Variants in SPOCK1 observed in about 807,000 individuals in gnomAD.
SPOCK1 encodes the protein testican-1.
SPOCK1 carries 23 observed loss-of-function variants against 55.3 expected under a neutral mutation model. The ratio of observed to expected loss-of-function variants is 0.42; its 90% CI spans 0.30 to 0.59. The LOEUF (loss-of-function observed/expected upper bound fraction) is 0.59, where lower values mean the gene tolerates loss of function less well. SPOCK1 is among the 20% of genes least tolerant of loss of function. The pLI is 0.22. For synonymous variants in SPOCK1, 226 were observed against 221.0 expected (o/e 1.02, Z -0.20); for missense variants, 499 against 552.5 (o/e 0.90, Z 0.97).
At chr5:137,304,076 T>G (rs75231213) in intron 2 of SPOCK1, among the ~76,000 whole-genome samples, 12 of 88,926 alleles carry the variant, frequency 1.3e-4, no homozygotes, top group African/African-American at 3.9e-4. Context: ...TTTTTTTTTT[T>G]TTTTTTGGTT....
At chr5:137,092,818 C>T (rs1334456749) in intron 5 of SPOCK1, among the ~76,000 whole-genome samples, 1 of 152,190 alleles carries the variant, frequency 6.6e-6, no homozygotes, top group Non-Finnish European at 1.5e-5. Context: ...GTTGCTGAAA[C>T]TGGGTAATTT....
At chr5:137,014,565 C>T (rs1430601914) in intron 6 of SPOCK1, among the ~76,000 whole-genome samples, 1 of 152,150 alleles carries the variant, frequency 6.6e-6, no homozygotes, top group Non-Finnish European at 1.5e-5. Context: ...GCTAGTTAAG[C>T]CTGCTATGCC....
intron 3 of SPOCK1, among the ~76,000 whole-genome samples, chr5:137,164,696 G>A (rs1457281458): frequency 6.6e-6 from 1 of 152,150 alleles, no homozygotes; most frequent in African/African-American, 2.4e-5. Flanking sequence ...TGCCCTGAAG[G>A]ATGAGTCCCA....
At chr5:137,140,383 G>A (rs1754071176) in intron 4 of SPOCK1, among the ~76,000 whole-genome samples, 197 bp downstream of exon 4, 1 of 152,210 alleles carries the variant, frequency 6.6e-6, no homozygotes. Flanking sequence ...AAATAAAGAT[G>A]GACATTCTTT....
chr5:137,015,542 C>T (rs1474156859), intron 6 of SPOCK1, among the ~76,000 whole-genome samples: 1 of 152,180 alleles, frequency 6.6e-6, no homozygotes, highest in African/African-American at 2.4e-5. Context: ...CCACAAGGTT[C>T]TCCTTCCCCA....
intron 2 of SPOCK1, among the ~76,000 whole-genome samples, chr5:137,337,305 C>T (rs1750302343): frequency 6.6e-6 from 1 of 152,148 alleles, no homozygotes; most frequent in Non-Finnish European, 1.5e-5. Flanking sequence ...GCGTATCAGG[C>T]TAAAGAAGTA....
At chr5:137,208,065 C>G (rs1755549208) in intron 3 of SPOCK1, among the ~76,000 whole-genome samples, 1 of 152,204 alleles carries the variant, frequency 6.6e-6, no homozygotes, top group Non-Finnish European at 1.5e-5. Context: ...GCCAGCCTCA[C>G]TATGAGCACT....
At chr5:137,486,350 C>T (rs983109455) in intron 2 of SPOCK1, among the ~76,000 whole-genome samples, 30 of 152,176 alleles carry the variant, frequency 2.0e-4, no homozygotes, top group Admixed American at 3.9e-4. Flanking sequence ...CCTCTGGAAG[C>T]CCAGCTCGCC....
intron 6 of SPOCK1, among the ~76,000 whole-genome samples, chr5:137,035,663 C>G (rs1269072371): frequency 6.6e-6 from 1 of 152,052 alleles, no homozygotes; most frequent in African/African-American, 2.4e-5. Flanking sequence ...GTGCTCATGC[C>G]CTCCCCCTTG....
chr5:137,225,612 C>A (rs114752940), intron 3 of SPOCK1, among the ~76,000 whole-genome samples: 1 of 152,306 alleles, frequency 6.6e-6, no homozygotes, highest in South Asian at 2.1e-4. Flanking sequence ...CCACACGATG[C>A]CTCGACATAC....
At chr5:137,008,141 G>T (rs188847703) in intron 6 of SPOCK1, among the ~76,000 whole-genome samples, 1 of 151,700 alleles carries the variant, frequency 6.6e-6, no homozygotes, top group Admixed American at 6.6e-5. Context: ...GCCTGTCGGG[G>T]GGTGGGGGGC....
intron 5 of SPOCK1, among the ~76,000 whole-genome samples, chr5:137,089,083 A>C (rs1480899818): frequency 6.6e-6 from 1 of 152,070 alleles, no homozygotes; most frequent in Non-Finnish European, 1.5e-5. Flanking sequence ...GAGGGACTAG[A>C]ACGGGGAGCT....
intron 2 of SPOCK1, among the ~76,000 whole-genome samples, chr5:137,440,278 C>A (rs1184943870): frequency 1.3e-5 from 1 of 79,826 alleles, no homozygotes; most frequent in African/African-American, 4.2e-5. Flanking sequence ...GAAAGATAAA[C>A]TTGAGAAAAG....
chr5:137,351,004 A>T (rs1750667544), intron 2 of SPOCK1, among the ~76,000 whole-genome samples: 1 of 152,222 alleles, frequency 6.6e-6, no homozygotes, highest in South Asian at 2.1e-4. Context: ...AGCGGAATGT[A>T]GGTAGTCACA....
intron 3 of SPOCK1, among the ~76,000 whole-genome samples, chr5:137,227,122 C>T (rs1755961559): frequency 1.3e-5 from 2 of 152,140 alleles, no homozygotes; most frequent in Admixed American, 6.6e-5. Context: ...AAGTTCAAAG[C>T]ATGCAGGGAA....
intron 6 of SPOCK1, among the ~76,000 whole-genome samples, chr5:137,018,687 T>C (rs929272452): frequency 9.9e-5 from 15 of 152,186 alleles, no homozygotes; most frequent in African/African-American, 1.4e-4. Context: ...CTCCTTATTA[T>C]ACAAATGCAT....
intron 6 of SPOCK1, among the ~76,000 whole-genome samples, chr5:137,029,103 C>A (rs1034072652): frequency 8.5e-5 from 13 of 152,130 alleles, no homozygotes; most frequent in Non-Finnish European, 1.5e-5. Flanking sequence ...AGAGCCATAC[C>A]CAGAGAGTAA....
intron 3 of SPOCK1, among the ~76,000 whole-genome samples, chr5:137,220,479 C>T (rs1457103098): frequency 6.6e-6 from 1 of 152,146 alleles, no homozygotes; most frequent in East Asian, 1.9e-4. Context: ...ACTTAATCCT[C>T]AAAGAGCCCT....
chr5:137,129,230 G>A (rs191237988), intron 4 of SPOCK1, among the ~76,000 whole-genome samples: 10 of 152,078 alleles, frequency 6.6e-5, no homozygotes, highest in African/African-American at 1.4e-4. Context: ...TTTGGACACC[G>A]AGCTCCTTCT....
Sources: gnomAD v4.1 joint callset for allele counts (sites outside exome capture counted in the v4.1 genomes callset) on GRCh38, gnomAD v4.1.1 for gene constraint, MANE v1.5 for transcripts, NCBI Gene and HGNC (gene_info 2026-07-23, HGNC 2026-07-21) for gene names.